Variants in SLC7A5 observed in about 807,000 individuals in gnomAD.
SLC7A5 encodes solute carrier family 7 member 5.
In SLC7A5, 23 loss-of-function variants were observed where a neutral mutation model predicts 50.2. The ratio of observed to expected loss-of-function variants is 0.46; its 90% CI spans 0.33 to 0.65. The LOEUF is 0.65. SLC7A5 is among the 30% of genes least tolerant of loss of function. The pLI is 0.02. For missense variants in SLC7A5, 578 were observed against 684.4 expected (o/e 0.84, Z 1.73); for synonymous variants, 393 against 330.6 (o/e 1.19, Z -2.05).
chr16:87,834,786 TG>T (rs1467937016), intron 8 of SLC7A5, 195 bp from the exon 9 acceptor site: 7 of 636,214 alleles, frequency 1.1e-5, no homozygotes, highest in Non-Finnish European at 2.0e-5. Context: ...GTGCTGGGCA[TG>T]TTGCCAGGGG....
intron 1 of SLC7A5, among the ~76,000 whole-genome samples, chr16:87,865,480 G>C (rs533820596): frequency 6.6e-6 from 1 of 151,642 alleles, no homozygotes; most frequent in African/African-American, 2.4e-5. Flanking sequence ...AGGCAGAGGC[G>C]GGTGGATCAC....
chr16:87,851,055 C>T (rs932324916), intron 2 of SLC7A5, among the ~76,000 whole-genome samples: 2 of 152,126 alleles, frequency 1.3e-5, no homozygotes, highest in African/African-American at 2.4e-5. Flanking sequence ...TCAGTGATTT[C>T]CCCAAGATCA....
In SLC7A5 at chr16:87,860,340, ATACACACACACACACACACACAC is replaced by A; in HGVS notation, c.539-8514_539-8492del. Among the ~76,000 whole-genome samples the A allele has an allele frequency of 1.9e-5, 1 of 52,190 alleles. No individual in the cohort carries two copies. The highest frequency in any genetic ancestry group is 3.6e-4 in the East Asian group (1 of 2,810). 34.2% of individuals were successfully genotyped at this position (52,190 alleles called of 152,430 possible). A position where few individuals can be genotyped will look rare whatever the true frequency, so the allele number is the denominator to read the frequency against. On this transcript the variant is annotated intron_variant, in intron 1 of 9. Transcript: ENST00000261622. The surrounding 1 kb of genome is among the most constrained non-coding windows in gnomAD (Gnocchi z 4.8). ...AAAAGCATCTCAAAAAAAAAAAAAAATACACACACACACACACACACACACACACACACACACACACACACACA... is the reference window on the plus strand; with the variant it reads ...AAAAGCATCTCAAAAAAAAAAAAAAAACACACACACACACACACACACACA...
At chr16:87,846,499 G>A (rs2055155773) in intron 2 of SLC7A5, among the ~76,000 whole-genome samples, 1 of 152,248 alleles carries the variant, frequency 6.6e-6, no homozygotes, top group African/African-American at 2.4e-5. Flanking sequence ...GCTGTACGTG[G>A]ACATGGGGCC....
chr16:87,864,974 G>A (rs1465390438), intron 1 of SLC7A5, among the ~76,000 whole-genome samples: 3 of 152,276 alleles, frequency 2.0e-5, no homozygotes, highest in Non-Finnish European at 4.4e-5. Context: ...GCTAATTACC[G>A]AAGTTATGCC....
chr16:87,848,801 G>C (rs997585198), intron 2 of SLC7A5, among the ~76,000 whole-genome samples: 1 of 152,216 alleles, frequency 6.6e-6, no homozygotes, highest in South Asian at 2.1e-4. Context: ...CTCTGGATGC[G>C]GGGCCATGTT....
intron 1 of SLC7A5, among the ~76,000 whole-genome samples, chr16:87,857,479 C>T (rs1220158837): frequency 6.6e-6 from 1 of 152,256 alleles, no homozygotes; most frequent in Non-Finnish European, 1.5e-5. Context: ...GACAAGCGTT[C>T]ACCATGTTGG....
intron 6 of SLC7A5, 122 bp from the exon 7 acceptor site, chr16:87,838,063 A>G (rs1274736351): frequency 1.3e-6 from 1 of 786,400 alleles, no homozygotes; most frequent in Non-Finnish European, 2.2e-6. Flanking sequence ...CTCTGGCCAC[A>G]GTGGGAACCA....
chr16:87,862,679 C>G lies in SLC7A5; in HGVS notation c.538+6206G>C, dbSNP rs1036708100. ...AGGCACGTGGAGGGACGGTCACAGCCCGTGCAACTGGCACCTTCACACGCA... is the reference window on the plus strand; with the variant it reads ...AGGCACGTGGAGGGACGGTCACAGCGCGTGCAACTGGCACCTTCACACGCA... On this transcript the variant is annotated intron_variant, in intron 1 of 9. Coordinates refer to ENST00000261622, the MANE Select transcript of SLC7A5 (RefSeq NM_003486.7). This position sits in a 1 kb window ranked among gnomAD's most constrained non-coding sequence, Gnocchi z 5.3. Among the ~76,000 whole-genome samples, 18 of 152,206 alleles carry G rather than the reference C, an allele frequency of 1.2e-4. No homozygotes were observed. The highest frequency in any genetic ancestry group is 4.1e-4 in the African/African-American group (17 of 41,440).
At position 87,837,637 on chromosome 16, in the gene SLC7A5, T is replaced by A. The variant is rs556629536; in HGVS notation, c.1140+208A>T. ...CCGCATTTCCGATGGTCTGAATCGT[T>A]TGTGGCAGCCACCATATATTATTTT... On this transcript the variant is annotated intron_variant, in intron 7 of 9. Coordinates refer to ENST00000261622, the MANE Select transcript of SLC7A5 (RefSeq NM_003486.7). 2.8e-4 allele frequency: 161 copies of A among 567,264 alleles called. 1 individual carries two copies. The highest frequency in any genetic ancestry group is 2.5e-3 in the African/African-American group (136 of 53,372). The allele number at this position is 567,264 out of a possible 1,614,324, so 35.1% of individuals were successfully genotyped here.
intron 1 of SLC7A5, among the ~76,000 whole-genome samples, chr16:87,856,935 G>A (rs1296244684): frequency 6.6e-6 from 1 of 152,240 alleles, no homozygotes; most frequent in Non-Finnish European, 1.5e-5. Flanking sequence ...AGGTCCCAGG[G>A]AGGCTGGTGC....
chr16:87,852,366 G>A lies in SLC7A5; in HGVS notation c.539-517C>T, dbSNP rs112739227. The stretch of plus-strand genomic sequence containing the variant: ...CAGAAGTGGGGTGTCCCGCTTTCCC[G>A]GAACTACCTGGCCAGTCACCTGGGG... On this transcript the variant is annotated intron_variant, in intron 1 of 9. Transcript: ENST00000261622. This position sits in a 1 kb window ranked among gnomAD's most constrained non-coding sequence, Gnocchi z 4.5. Among the ~76,000 whole-genome samples the A allele has an allele frequency of 4.2e-3, 634 of 152,300 alleles. 5 individuals are homozygous for A. Among genetic ancestry groups the A allele is most frequent in the African/African-American group, 0.014 (565 of 41,558 alleles).
At position 87,869,312 on chromosome 16, in the gene SLC7A5, C is replaced by T; in HGVS notation, c.111G>A (p.Pro37=). The T allele has an allele frequency of 1.2e-6, 2 of 1,610,982 alleles. No individual in the cohort carries two copies. Among genetic ancestry groups the T allele is most frequent in the East Asian group, 2.2e-5 (1 of 44,854 alleles). ...GGGTCACGCCCTCGCCCTCGCCTGC[C>T]GGCGCCGAGCCGTCCGCGCTCTTGG... ...LAAKSADGSA[P]AGEGEGVTLQ... The change falls in exon 1 of 10, where the codon CCG becomes CCA. Residue 37 remains proline, a synonymous_variant. Transcript: ENST00000261622.
At chr16:87,865,411 T>C (rs1482176142) in intron 1 of SLC7A5, among the ~76,000 whole-genome samples, 7 of 152,278 alleles carry the variant, frequency 4.6e-5, no homozygotes, top group East Asian at 1.9e-4. Context: ...AAAGGACTGC[T>C]TGGAAAGCTA....
intron 2 of SLC7A5, among the ~76,000 whole-genome samples, chr16:87,848,351 G>C (rs1286050382): frequency 6.6e-6 from 1 of 152,224 alleles, no homozygotes; most frequent in Non-Finnish European, 1.5e-5. Context: ...GCTGCTGCTG[G>C]GCTGGGACGG....
chr16:87,854,221 G>A (rs1567498105), intron 1 of SLC7A5, among the ~76,000 whole-genome samples: 1 of 152,148 alleles, frequency 6.6e-6, no homozygotes, highest in Non-Finnish European at 1.5e-5. Flanking sequence ...AGGACAGACA[G>A]GCGGGGGCCG....
chr16:87,849,520 C>G (rs1392226222), intron 2 of SLC7A5, among the ~76,000 whole-genome samples: 1 of 152,168 alleles, frequency 6.6e-6, no homozygotes. Context: ...AATCACGTTC[C>G]CCTCCTAAAT....
intron 1 of SLC7A5, among the ~76,000 whole-genome samples, chr16:87,857,443 G>A (rs1332331451): frequency 3.3e-5 from 5 of 152,118 alleles, no homozygotes; most frequent in South Asian, 4.1e-4. Context: ...CCACCACACC[G>A]GCCTAATTTT....
chr16:87,852,790 C>T lies in SLC7A5; in HGVS notation c.539-941G>A, dbSNP rs1047203986. On this transcript the variant is annotated intron_variant, in intron 1 of 9. Coordinates refer to ENST00000261622, the MANE Select transcript of SLC7A5 (RefSeq NM_003486.7). This position sits in a 1 kb window ranked among gnomAD's most constrained non-coding sequence, Gnocchi z 4.5. ...TGTTGCAATATGTGCGCACGCTGAGCCACTATTCAGGGATCTGTGAGCTGG... is the reference window on the plus strand; with the variant it reads ...TGTTGCAATATGTGCGCACGCTGAGTCACTATTCAGGGATCTGTGAGCTGG... 1.3e-5 allele frequency among the ~76,000 whole-genome samples: 2 copies of T among 151,700 alleles called. No individual in the cohort carries two copies. The highest frequency in any genetic ancestry group is 4.8e-5 in the African/African-American group (2 of 41,266).
Sources: gnomAD v4.1 joint callset for allele counts (sites outside exome capture counted in the v4.1 genomes callset) on GRCh38, gnomAD v4.1.1 for gene constraint, Gnocchi (gnomAD v3.1) non-coding constraint, MANE v1.5 for transcripts, NCBI Gene and HGNC (gene_info 2026-07-23, HGNC 2026-07-21) for gene names.